The following TBCK variants were observed in gnomAD, a reference collection of about 807,000 sequenced individuals.
TBCK encodes the protein TBC domain-containing protein kinase-like protein.
A neutral mutation model predicts 113.4 loss-of-function variants in TBCK; 99 were observed. The ratio of observed to expected loss-of-function variants is 0.87; its 90% CI spans 0.74 to 1.03. The LOEUF is 1.03. Among genes scored for constraint, TBCK ranks in the 50% least tolerant of loss-of-function variants. The pLI is 0.00. For missense variants in TBCK, 1,045 were observed against 1,061.3 expected, an observed-to-expected ratio of 0.98 and a Z score of 0.21; for synonymous variants, 369 against 370.8, an observed-to-expected ratio of 1.00 and a Z score of 0.05.
At chr4:106,271,373 CTGTG>C (rs1417241903) in intron 3 of TBCK, among the ~76,000 whole-genome samples, 1 of 152,076 alleles carries the variant, frequency 6.6e-6, no homozygotes, top group Non-Finnish European at 1.5e-5. Context: ...TTAGGTTCTC[CTGTG>C]TGTGTTGTTT....
chr4:106,279,414 G>T (rs1380828818), intron 3 of TBCK, among the ~76,000 whole-genome samples: 1 of 152,002 alleles, frequency 6.6e-6, no homozygotes, highest in Non-Finnish European at 1.5e-5. Context: ...GGATAAATGG[G>T]TTATCCATTA....
At chr4:106,223,305 G>C (rs1467814744) in intron 19 of TBCK, among the ~76,000 whole-genome samples, 1 of 152,134 alleles carries the variant, frequency 6.6e-6, no homozygotes, top group Non-Finnish European at 1.5e-5. Flanking sequence ...TGGGAAAGAA[G>C]AGTTTTATAC....
At chr4:106,185,994 G>T (rs1216420957) in intron 22 of TBCK, among the ~76,000 whole-genome samples, 1 of 152,022 alleles carries the variant, frequency 6.6e-6, no homozygotes, top group Non-Finnish European at 1.5e-5. Context: ...TTGATTTTCT[G>T]TTCCTGCATA....
chr4:106,068,147 T>TTTTA (rs1219431331), intron 25 of TBCK, among the ~76,000 whole-genome samples: 1 of 149,944 alleles, frequency 6.7e-6, no homozygotes, highest in East Asian at 1.9e-4. Flanking sequence ...TTTCTTTTTA[T>TTTTA]TTTATTTTTT....
intron 23 of TBCK, among the ~76,000 whole-genome samples, chr4:106,141,202 G>A (rs180762205): frequency 7.2e-6 from 1 of 139,360 alleles, no homozygotes; most frequent in African/African-American, 2.5e-5. Context: ...ATAATAGAAA[G>A]ATATAAGATG....
At chr4:106,226,601 T>G (rs1758273354) in intron 19 of TBCK, among the ~76,000 whole-genome samples, 1 of 152,234 alleles carries the variant, frequency 6.6e-6, no homozygotes. Flanking sequence ...AACAGCATTA[T>G]ATTGCTGACA....
chr4:106,071,059 C>T (rs11944792), intron 25 of TBCK, among the ~76,000 whole-genome samples: 8 of 152,088 alleles, frequency 5.3e-5, no homozygotes, highest in Non-Finnish European at 1.2e-4. Context: ...CTCTTGGATT[C>T]AGTGATTTTT....
chr4:106,162,359 C>T (rs1375955922), intron 23 of TBCK, among the ~76,000 whole-genome samples: 3 of 152,160 alleles, frequency 2.0e-5, no homozygotes, highest in Non-Finnish European at 2.9e-5. Context: ...TGACTGTCTG[C>T]AGCTTTTCCA....
chr4:106,302,439 G>A (rs1324539683), intron 2 of TBCK, among the ~76,000 whole-genome samples: 4 of 152,186 alleles, frequency 2.6e-5, no homozygotes, highest in African/African-American at 4.8e-5. Context: ...ATGCTATAAC[G>A]CAGTTCCTAA....
At chr4:106,231,896 T>C in intron 17 of TBCK, 117 bp from the exon 18 acceptor site, 2 of 906,638 alleles carry the variant, frequency 2.2e-6, no homozygotes, top group Non-Finnish European at 3.4e-6. Flanking sequence ...TTAGAAGTAT[T>C]ATCCATCCAG....
chr4:106,077,798 C>G (rs553169638), intron 25 of TBCK, among the ~76,000 whole-genome samples: 2 of 152,236 alleles, frequency 1.3e-5, no homozygotes, highest in South Asian at 4.2e-4. Context: ...CAATACTTGA[C>G]CAATTAGACC....
At chr4:106,126,675 T>C (rs961419384) in intron 23 of TBCK, among the ~76,000 whole-genome samples, 5 of 152,212 alleles carry the variant, frequency 3.3e-5, no homozygotes, top group Non-Finnish European at 7.3e-5. Flanking sequence ...AAAAATATGA[T>C]TAAATGATTC....
intron 25 of TBCK, among the ~76,000 whole-genome samples, chr4:106,072,048 C>T (rs1026408853): frequency 1.3e-5 from 2 of 152,116 alleles, no homozygotes; most frequent in African/African-American, 4.8e-5. Context: ...ACTCTTTATC[C>T]AATTTGCCAG....
intron 25 of TBCK, among the ~76,000 whole-genome samples, chr4:106,055,812 A>G (rs1232434408): frequency 1.3e-5 from 2 of 151,392 alleles, no homozygotes; most frequent in African/African-American, 4.8e-5. Context: ...AATCTCTGAA[A>G]CAAATACAAG....
chr4:106,215,680 T>C (rs1756801753), intron 19 of TBCK, among the ~76,000 whole-genome samples: 2 of 152,006 alleles, frequency 1.3e-5, no homozygotes, highest in South Asian at 4.1e-4. Context: ...CCTAAATATA[T>C]ATGCACTCAA....
chr4:106,132,931 T>C (rs1274530427), intron 23 of TBCK, among the ~76,000 whole-genome samples: 1 of 152,266 alleles, frequency 6.6e-6, no homozygotes, highest in Non-Finnish European at 1.5e-5. Context: ...ACCCCCACTG[T>C]ATTTGGGAAA....
Position 106,235,379 on chromosome 4 carries a change from A to G in TBCK, c.1351-12T>C, listed in dbSNP as rs776400789. 1 of 1,566,126 alleles carries G rather than the reference A, an allele frequency of 6.4e-7. No individual in the cohort carries two copies. The highest frequency in any genetic ancestry group is 1.4e-5 in the African/African-American group (1 of 73,226). The stretch of plus-strand genomic sequence containing the variant: ...TTATATGGATAAGCCTATGATATCA[A>G]AAAAGAAATGAAAACGTCTCAAATT... On this transcript the variant is annotated splice_polypyrimidine_tract_variant and intron_variant, in intron 14 of 25. Transcript: ENST00000394708.
rs992424476 is a variant in TBCK at position 106,316,196 on chromosome 4, G to A, written c.-295C>T. 1.0e-5 allele frequency: 2 copies of A among 200,962 alleles called. No individual in the cohort carries two copies. Among genetic ancestry groups the A allele is most frequent in the East Asian group, 1.2e-4 (1 of 8,384 alleles). The allele number at this position is 200,962 out of a possible 1,614,324, so 12.4% of individuals were successfully genotyped here. On this transcript the variant is annotated 5_prime_UTR_variant, in exon 1 of 26. Transcript: ENST00000394708. The stretch of plus-strand genomic sequence containing the variant: ...TGGCCTTCCCCAAACACAGATCCGA[G>A]CTTTTCACCCTCTACCCTCCCCTCA...
rs1464640460 is a variant in TBCK, at chr4:106,082,036, G to A, written c.2571+13446C>T. On this transcript the variant is annotated intron_variant, in intron 25 of 25. Transcript: ENST00000394708. ...TAAATCAGTTCAGTCATTGTGAAAA[G>A]CAGTGTGGAGATTTCTCAGAGAACT... Among the ~76,000 whole-genome samples the A allele has an allele frequency of 2.0e-5, 3 of 152,350 alleles. No homozygotes were observed. In the East Asian group the frequency reaches 5.8e-4, roughly 29 times the overall value.
Sources: allele counts gnomAD v4.1 joint callset (sites outside exome capture counted in the v4.1 genomes callset), GRCh38; gene constraint gnomAD v4.1.1; transcripts MANE v1.5; gene names NCBI Gene and HGNC (gene_info 2026-07-23, HGNC 2026-07-21).